The following TAS2R1 variants were observed in gnomAD, a reference collection of about 807,000 sequenced individuals.
The protein encoded by TAS2R1 is taste 2 receptor member 1, also known as taste receptor type 2 member 1.
For missense variants in TAS2R1, 370 were observed against 353.4 expected (o/e 1.05, Z -0.38); for synonymous variants, 141 against 134.2 (o/e 1.05, Z -0.35).
At chr5:9,857,857 ATGGTTC>A in the TAS2R1 span, among the ~76,000 whole-genome samples, 2 of 152,146 alleles carry the variant, frequency 1.3e-5, no homozygotes, top group African/African-American at 4.8e-5. Context: ...ACCACCTGGT[ATGGTTC>A]ATGAGCAGGC....
the TAS2R1 span, among the ~76,000 whole-genome samples, chr5:9,897,248 A>G: frequency 4.1e-4 from 63 of 152,348 alleles, no homozygotes; most frequent in African/African-American, 1.2e-3. Context: ...CAGGAGTTCC[A>G]GACCAGCCTG....
the TAS2R1 span, among the ~76,000 whole-genome samples, chr5:9,848,454 A>C: frequency 6.6e-6 from 1 of 152,132 alleles, no homozygotes; most frequent in Non-Finnish European, 1.5e-5. Flanking sequence ...CATTATGCCG[A>C]TTTTACTCCA....
chr5:9,657,330 T>C (rs1445411635), intron 2 of TAS2R1, among the ~76,000 whole-genome samples: 3 of 152,178 alleles, frequency 2.0e-5, no homozygotes, highest in African/African-American at 7.2e-5. Context: ...ATCTCAAAAG[T>C]CTGTTCCACT....
chr5:9,896,972 G>C, the TAS2R1 span, among the ~76,000 whole-genome samples: 1 of 152,160 alleles, frequency 6.6e-6, no homozygotes, highest in African/African-American at 2.4e-5. Context: ...GGTTCAGAGA[G>C]GCAAGTCTCT....
At chr5:9,858,617 T>G in the TAS2R1 span, among the ~76,000 whole-genome samples, 3 of 152,190 alleles carry the variant, frequency 2.0e-5, no homozygotes, top group African/African-American at 7.2e-5. Context: ...ATGCTTTTTA[T>G]AAGAGATAAA....
the TAS2R1 span, among the ~76,000 whole-genome samples, chr5:9,748,089 T>C: frequency 6.6e-6 from 1 of 152,218 alleles, no homozygotes; most frequent in Non-Finnish European, 1.5e-5. Flanking sequence ...TTCTGCTGGC[T>C]TTTTATTCTT....
At chr5:9,854,763 A>G in the TAS2R1 span, among the ~76,000 whole-genome samples, 9 of 152,350 alleles carry the variant, frequency 5.9e-5, no homozygotes, top group South Asian at 1.9e-3. Context: ...TGATACAACC[A>G]TCAAAATTAA....
the TAS2R1 span, among the ~76,000 whole-genome samples, chr5:9,797,144 T>C: frequency 6.6e-6 from 1 of 152,188 alleles, no homozygotes; most frequent in Non-Finnish European, 1.5e-5. Flanking sequence ...ATGTCACAAC[T>C]GTCCCCTAGA....
At chr5:9,673,972 G>C (rs924437404) in intron 1 of TAS2R1, among the ~76,000 whole-genome samples, 4 of 152,184 alleles carry the variant, frequency 2.6e-5, no homozygotes, top group Non-Finnish European at 4.4e-5. Flanking sequence ...CTCTGCCTAA[G>C]CCAGGAGATG....
the TAS2R1 span, among the ~76,000 whole-genome samples, chr5:9,725,269 G>C: frequency 2.0e-5 from 3 of 152,248 alleles, no homozygotes; most frequent in African/African-American, 7.2e-5. Flanking sequence ...GGCTGGCCAA[G>C]GCCGGAGCCG....
At chr5:9,903,202 C>G in the TAS2R1 span, among the ~76,000 whole-genome samples, 1 of 151,958 alleles carries the variant, frequency 6.6e-6, no homozygotes, top group Non-Finnish European at 1.5e-5. Flanking sequence ...TTTTTGTACA[C>G]ATTAACCATC....
At chr5:9,793,439 T>C in the TAS2R1 span, among the ~76,000 whole-genome samples, 1 of 152,140 alleles carries the variant, frequency 6.6e-6, no homozygotes, top group Admixed American at 6.5e-5. Context: ...TTGATCACTA[T>C]AGAGGAAACC....
the TAS2R1 span, among the ~76,000 whole-genome samples, chr5:9,739,252 T>C: frequency 2.0e-5 from 3 of 152,188 alleles, no homozygotes; most frequent in Non-Finnish European, 2.9e-5. Context: ...GGTGAAATTA[T>C]AGCTTCTCAT....
chr5:9,683,285 T>C (rs978928671), intron 1 of TAS2R1, among the ~76,000 whole-genome samples: 3 of 152,214 alleles, frequency 2.0e-5, no homozygotes, highest in Non-Finnish European at 4.4e-5. Context: ...CCAAGTCTTT[T>C]TGAAATGCCA....
At chr5:9,797,004 CG>C in the TAS2R1 span, among the ~76,000 whole-genome samples, 1 of 152,154 alleles carries the variant, frequency 6.6e-6, no homozygotes, top group African/African-American at 2.4e-5. Context: ...ATATAGGCAA[CG>C]TGTCTTGGAG....
the TAS2R1 span, among the ~76,000 whole-genome samples, chr5:9,821,576 T>G: frequency 6.6e-6 from 1 of 152,292 alleles, no homozygotes; most frequent in Non-Finnish European, 1.5e-5. Flanking sequence ...GAGCATGATC[T>G]AAACAGGAGG....
At chr5:9,664,441 C>A (rs1948770) in intron 1 of TAS2R1, among the ~76,000 whole-genome samples, 11,681 of 152,222 alleles carry the variant, frequency 0.077, 665 homozygotes, top group Admixed American at 0.19. Flanking sequence ...CATGCACAGT[C>A]CCTCCCCTTC....
At chr5:9,661,629 T>C (rs1289202638) in intron 1 of TAS2R1, among the ~76,000 whole-genome samples, 1 of 152,208 alleles carries the variant, frequency 6.6e-6, no homozygotes, top group African/African-American at 2.4e-5. Context: ...CCCTTTAATG[T>C]AGCCATCTGC....
chr5:9,839,315 A>G, the TAS2R1 span, among the ~76,000 whole-genome samples: 1 of 152,220 alleles, frequency 6.6e-6, no homozygotes, highest in African/African-American at 2.4e-5. Flanking sequence ...TGCCATGTGA[A>G]AAGCAAGTGG....
Sources: gnomAD v4.1 joint callset for allele counts (sites outside exome capture counted in the v4.1 genomes callset) on GRCh38, gnomAD v4.1.1 for gene constraint, MANE v1.5 for transcripts, NCBI Gene and HGNC (gene_info 2026-07-23, HGNC 2026-07-21) for gene names.